The following FXR1 variants were observed in gnomAD, a reference collection of about 807,000 sequenced individuals.
FXR1 encodes FMR1 autosomal homolog 1.
In FXR1, 15 loss-of-function variants were observed where a neutral mutation model predicts 84.0. The ratio of observed to expected loss-of-function variants is 0.18; its 90% CI spans 0.12 to 0.27. The LOEUF (loss-of-function observed/expected upper bound fraction) is 0.27, where lower values mean the gene tolerates loss of function less well. Ranked by LOEUF, FXR1 falls within the 10% of genes least tolerant of loss-of-function variation. FXR1 has a pLI of 1.00. For missense variants in FXR1, 480 were observed against 774.4 expected, an observed-to-expected ratio of 0.62 and a Z score of 4.51; for synonymous variants, 245 against 250.7, an observed-to-expected ratio of 0.98 and a Z score of 0.21.
At position 180,981,092 on chromosome 3, in the gene FXR1, A is replaced by G. The variant is rs1714589538; in HGVS notation, c.*4800A>G. 1 of 151,942 alleles carries G rather than the reference A, an allele frequency of 6.6e-6. No individual in the cohort carries two copies. The allele number at this position is 151,942 out of a possible 1,614,324, so 9.4% of individuals were successfully genotyped here. A position where few individuals can be genotyped will look rare whatever the true frequency, so the allele number is the denominator to read the frequency against. ...ACCTACTACAAGCTTCTGAACTGCA[A>G]AACCTTTTTTTTAGGTCACTGTCAA... is the stretch of plus-strand genomic sequence containing the variant. On this transcript the variant is annotated 3_prime_UTR_variant, in exon 17 of 17. Transcript: ENST00000357559.
chr3:180,912,830 G>A (rs1192472038), intron 1 of FXR1, 94 bp downstream of exon 1: 2 of 1,602,552 alleles, frequency 1.2e-6, no homozygotes, highest in Non-Finnish European at 1.7e-6. Context: ...TTTGGGGTCG[G>A]AAAGGCAGCC....
chr3:180,974,086 A>G (rs571365784), intron 15 of FXR1, among the ~76,000 whole-genome samples: 4 of 152,154 alleles, frequency 2.6e-5, no homozygotes, highest in Non-Finnish European at 4.4e-5. Flanking sequence ...ACAGTTTGCA[A>G]TAGAAAATAC....
intron 4 of FXR1, 112 bp from the exon 5 acceptor site, chr3:180,948,235 T>C: frequency 1.4e-6 from 1 of 722,524 alleles, no homozygotes; most frequent in Non-Finnish European, 2.3e-6. Flanking sequence ...TAGTATTTTA[T>C]GCCACATGGG....
At chr3:180,939,316 T>G (rs1357260801) in intron 3 of FXR1, among the ~76,000 whole-genome samples, 1 of 152,230 alleles carries the variant, frequency 6.6e-6, no homozygotes, top group Admixed American at 6.5e-5. Context: ...GCCTTAGTTA[T>G]GAAATGTAAT....
In FXR1 at chr3:180,962,897, A is replaced by C. The variant is rs750541498; in HGVS notation, c.1092A>C (p.Leu364=). The C allele has an allele frequency of 1.2e-6, 2 of 1,610,638 alleles. No individual in the cohort carries two copies. The highest frequency in any genetic ancestry group is 1.7e-6 in the Non-Finnish European group (2 of 1,176,914). The change falls in exon 12 of 17, where the codon CTA becomes CTC. Residue 364 remains leucine, a synonymous_variant. Coordinates refer to ENST00000357559, the MANE Select transcript of FXR1 (RefSeq NM_005087.4). ...HIAYLKEVEQ[L]RMERLQIDEQ... ...TTTGATTGTAGGAAGTAGAACAGCT[A>C]AGAATGGAACGCCTACAGATTGATG...
At chr3:180,957,538 A>G (rs762206841) in intron 9 of FXR1, 2 of 261,802 alleles carry the variant, frequency 7.6e-6, no homozygotes, top group Non-Finnish European at 1.4e-5. Context: ...TGAAAATGAT[A>G]TAAGCATATT....
chr3:180,942,114 C>A (rs1021540836), intron 3 of FXR1, among the ~76,000 whole-genome samples: 3 of 151,970 alleles, frequency 2.0e-5, no homozygotes, highest in African/African-American at 7.3e-5. Flanking sequence ...TGCAGTGGCT[C>A]ACACCTGTAA....
intron 13 of FXR1, among the ~76,000 whole-genome samples, chr3:180,965,568 A>G (rs1362474196): frequency 5.9e-5 from 9 of 152,118 alleles, no homozygotes; most frequent in Non-Finnish European, 1.0e-4. Flanking sequence ...TTCTTTCTGG[A>G]AAGTCTAGCG....
intron 3 of FXR1, among the ~76,000 whole-genome samples, chr3:180,945,822 CTG>C (rs1721635937): frequency 6.6e-6 from 1 of 152,298 alleles, no homozygotes; most frequent in African/African-American, 2.4e-5. Flanking sequence ...GAGTCATTAA[CTG>C]GATGAGAATA....
chr3:180,970,060 C>A, intron 14 of FXR1, 98 bp from the exon 15 acceptor site: 1 of 575,944 alleles, frequency 1.7e-6, no homozygotes. Context: ...TTGGGGGAGA[C>A]TGAAGTTTAT....
intron 3 of FXR1, among the ~76,000 whole-genome samples, chr3:180,944,805 T>C (rs1445358549): frequency 6.6e-6 from 1 of 152,188 alleles, no homozygotes; most frequent in Non-Finnish European, 1.5e-5. Flanking sequence ...GTATTTTGCA[T>C]AGTGATGGTG....
intron 1 of FXR1, among the ~76,000 whole-genome samples, chr3:180,915,933 C>T (rs1383618336): frequency 2.6e-5 from 4 of 152,166 alleles, no homozygotes; most frequent in Non-Finnish European, 5.9e-5. Context: ...TTAACAGTGG[C>T]TCTATAGTTA....
intron 3 of FXR1, among the ~76,000 whole-genome samples, chr3:180,940,429 C>G (rs937831964): frequency 6.6e-6 from 1 of 151,682 alleles, no homozygotes; most frequent in African/African-American, 2.4e-5. Flanking sequence ...GTAGAAATAT[C>G]CCTCCTCCCT....
At position 180,979,182 on chromosome 3, in the gene FXR1, C is replaced by T. The variant is rs1714484940; in HGVS notation, c.*2890C>T. The T allele has an allele frequency of 6.6e-6, 1 of 152,050 alleles. No homozygotes were observed. Among genetic ancestry groups the T allele is most frequent in the African/African-American group, 2.4e-5 (1 of 41,400 alleles). The allele number at this position is 152,050 out of a possible 1,614,324, so 9.4% of individuals were successfully genotyped here. ...GGTCTTATAGAAGTTGGTATGTTAA[C>T]TAAATCTTGGACTGGGAAACAGCAC... On this transcript the variant is annotated 3_prime_UTR_variant, in exon 17 of 17. Transcript: ENST00000357559.
rs1464992083 is a variant in FXR1 at position 180,980,513 on chromosome 3, TAAAC to T, written c.*4224_*4227del. The T allele has an allele frequency of 3.9e-5, 6 of 152,168 alleles. No homozygotes were observed. The highest frequency in any genetic ancestry group is 1.4e-4 in the African/African-American group (6 of 41,560). The allele number at this position is 152,168 out of a possible 1,614,324, so 9.4% of individuals were successfully genotyped here. ...AATATTTTCCAATAGTTTTTCTAGA[TAAAC>T]AATTTATACTTAATTGTTGCTTGGT... On this transcript the variant is annotated 3_prime_UTR_variant, in exon 17 of 17. Coordinates refer to ENST00000357559, the MANE Select transcript of FXR1 (RefSeq NM_005087.4).
At chr3:180,961,367 A>AAAAAT in intron 10 of FXR1, 101 bp from the exon 11 acceptor site, 1 of 116,174 alleles carries the variant, frequency 8.6e-6, no homozygotes, top group Non-Finnish European at 1.5e-5. Context: ...AAAAAAAAAA[A>AAAAAT]GGTGTGTGTG....
chr3:180,958,386 C>T (rs991963073), intron 10 of FXR1, among the ~76,000 whole-genome samples: 1 of 152,110 alleles, frequency 6.6e-6, no homozygotes, highest in Non-Finnish European at 1.5e-5. Flanking sequence ...TCTCACCCCC[C>T]TCCCAACCTT....
At chr3:180,934,306 A>G (rs1275670981) in intron 2 of FXR1, among the ~76,000 whole-genome samples, 1 of 152,188 alleles carries the variant, frequency 6.6e-6, no homozygotes, top group Non-Finnish European at 1.5e-5. Context: ...CAAATCTTTT[A>G]CTTGTCAGCT....
intron 9 of FXR1, 82 bp downstream of exon 9, chr3:180,953,922 T>G (rs1018020908): frequency 5.5e-6 from 4 of 726,168 alleles, no homozygotes; most frequent in Non-Finnish European, 9.7e-6. Context: ...ACTAGTCTTG[T>G]AGTCTGATAA....
Sources: gnomAD v4.1 joint callset for allele counts (sites outside exome capture counted in the v4.1 genomes callset) on GRCh38, gnomAD v4.1.1 for gene constraint, MANE v1.5 for transcripts, NCBI Gene and HGNC (gene_info 2026-07-23, HGNC 2026-07-21) for gene names.